The following DYM variants were observed in gnomAD, a reference collection of about 807,000 sequenced individuals.
DYM encodes the protein dymeclin.
Under a neutral mutation model 93.1 loss-of-function variants are expected in DYM, and 78 were observed. That is an observed-to-expected ratio of 0.84 (90% confidence interval 0.70 to 1.01). The LOEUF (loss-of-function observed/expected upper bound fraction) is 1.01, where lower values mean the gene tolerates loss of function less well. Ranked by LOEUF, DYM falls within the 50% of genes least tolerant of loss-of-function variation. DYM has a pLI of 0.00. For missense variants in DYM, 789 were observed against 845.0 expected, an observed-to-expected ratio of 0.93 and a Z score of 0.82; for synonymous variants, 321 against 319.7, an observed-to-expected ratio of 1.00 and a Z score of -0.04.
chr18:49,394,051 T>C (rs926968289), intron 2 of DYM, among the ~76,000 whole-genome samples: 51 of 152,252 alleles, frequency 3.3e-4, no homozygotes, highest in Admixed American at 9.2e-4. Context: ...GTTTTAGAGA[T>C]GGATGGTGTT....
chr18:49,316,845 T>TGG (rs1348769667), intron 8 of DYM, among the ~76,000 whole-genome samples: 2 of 152,200 alleles, frequency 1.3e-5, no homozygotes, highest in African/African-American at 2.4e-5. Flanking sequence ...CTTCCTTCCT[T>TGG]TAGCTATAGG....
At chr18:49,133,422 C>T (rs1349302578) in intron 15 of DYM, among the ~76,000 whole-genome samples, 2 of 152,206 alleles carry the variant, frequency 1.3e-5, no homozygotes, top group Non-Finnish European at 2.9e-5. Flanking sequence ...AATTTGTCGT[C>T]TCACAGTTCT....
At chr18:49,422,560 T>C (rs1236719641) in intron 2 of DYM, among the ~76,000 whole-genome samples, 1 of 152,114 alleles carries the variant, frequency 6.6e-6, no homozygotes, top group Non-Finnish European at 1.5e-5. Context: ...TAACCTTAAA[T>C]GTAAATGGGC....
At chr18:49,199,843 G>A (rs575050832) in intron 14 of DYM, among the ~76,000 whole-genome samples, 1 of 152,218 alleles carries the variant, frequency 6.6e-6, no homozygotes, top group South Asian at 2.1e-4. Flanking sequence ...AATGGCACCA[G>A]ATGTGATTTT....
intron 13 of DYM, among the ~76,000 whole-genome samples, chr18:49,248,074 T>C (rs979677985): frequency 1.4e-4 from 22 of 152,354 alleles, no homozygotes; most frequent in African/African-American, 4.3e-4. Context: ...TGCCTGGGCA[T>C]TGGGCAAGAG....
intron 6 of DYM, among the ~76,000 whole-genome samples, chr18:49,341,586 G>T (rs1273131677): frequency 1.3e-5 from 2 of 151,840 alleles, no homozygotes; most frequent in African/African-American, 4.8e-5. Flanking sequence ...ATGTGGATGG[G>T]GTATTCATGA....
At chr18:49,119,585 A>C (rs2082199402) in intron 15 of DYM, among the ~76,000 whole-genome samples, 1 of 152,208 alleles carries the variant, frequency 6.6e-6, no homozygotes, top group Non-Finnish European at 1.5e-5. Flanking sequence ...TGACAGTTGA[A>C]GCAAAAATTA....
intron 16 of DYM, among the ~76,000 whole-genome samples, chr18:49,106,763 G>C (rs2145758650): frequency 6.6e-6 from 1 of 152,324 alleles, no homozygotes; most frequent in Middle Eastern, 3.4e-3. Context: ...GAGAGTTTCT[G>C]CCGAGAGATC....
In DYM at chr18:49,211,407, A is replaced by T. The variant is rs191045341; in HGVS notation, c.1461-1692T>A. On this transcript the variant is annotated intron_variant, in intron 13 of 17. Transcript: ENST00000675505. ...TCAATCTGACAAGGTGAATCAACAC[A>T]ATAGTGAACATATCTGATATGTCTT... 2.1e-4 allele frequency among the ~76,000 whole-genome samples: 32 copies of T among 152,366 alleles called. 1 individual carries two copies. Among genetic ancestry groups the T allele is most frequent in the Admixed American group, 2.1e-3 (32 of 15,304 alleles).
At chr18:49,308,512 T>A (rs892284147) in intron 8 of DYM, among the ~76,000 whole-genome samples, 1 of 152,330 alleles carries the variant, frequency 6.6e-6, no homozygotes, top group East Asian at 1.9e-4. Flanking sequence ...TCCTACCGTC[T>A]ACTAGTTGTG....
intron 2 of DYM, among the ~76,000 whole-genome samples, chr18:49,429,426 A>C (rs1462304875): frequency 1.3e-5 from 2 of 152,232 alleles, no homozygotes; most frequent in Non-Finnish European, 2.9e-5. Context: ...TTTTAAATCT[A>C]GTTATTGAGT....
intron 8 of DYM, among the ~76,000 whole-genome samples, chr18:49,322,891 C>T (rs1271362233): frequency 6.6e-6 from 1 of 152,154 alleles, no homozygotes; most frequent in Non-Finnish European, 1.5e-5. Flanking sequence ...GTATTATTCT[C>T]ATTTTATTGT....
intron 2 of DYM, among the ~76,000 whole-genome samples, chr18:49,408,837 G>A (rs763217329): frequency 2.0e-5 from 3 of 152,116 alleles, no homozygotes; most frequent in East Asian, 1.9e-4. Context: ...CAAGAGGGAC[G>A]GGGCACATAA....
chr18:49,344,700 T>TG (rs201448199), intron 6 of DYM, among the ~76,000 whole-genome samples: 1 of 151,086 alleles, frequency 6.6e-6, no homozygotes, highest in Non-Finnish European at 1.5e-5. Context: ...TATAACCTTT[T>TG]GGGGAAAAAA....
Position 49,218,365 on chromosome 18 carries a change from G to A in DYM, c.1461-8650C>T, listed in dbSNP as rs548237099. Among the ~76,000 whole-genome samples, 526 of 152,258 alleles carry A rather than the reference G, an allele frequency of 3.5e-3. 4 individuals carry two copies. The highest frequency in any genetic ancestry group is 0.012 in the African/African-American group (488 of 41,526). On this transcript the variant is annotated intron_variant, in intron 13 of 17. Transcript: ENST00000675505. The stretch of plus-strand genomic sequence containing the variant: ...GATCAACGAAACAGAAAGTTAACAA[G>A]GATATCCAGGAATTGAACTCAGCTC...
At chr18:49,217,192 G>C (rs28786122) in intron 13 of DYM, among the ~76,000 whole-genome samples, 4,099 of 152,188 alleles carry the variant, frequency 0.027, 181 homozygotes, top group African/African-American at 0.092. Context: ...AGTGAGAAGG[G>C]AAGTTTAGAG....
At chr18:49,188,452 T>C in intron 14 of DYM, among the ~76,000 whole-genome samples, 1 of 152,216 alleles carries the variant, frequency 6.6e-6, no homozygotes, top group East Asian at 1.9e-4. Flanking sequence ...GATCTGGCTG[T>C]TCATAAATGA....
intron 6 of DYM, among the ~76,000 whole-genome samples, chr18:49,334,454 C>T (rs2063526469): frequency 6.6e-6 from 1 of 152,026 alleles, no homozygotes. Context: ...GATCATAAAC[C>T]CCTTTGGGAA....
At chr18:49,193,247 T>C (rs1359273631) in intron 14 of DYM, among the ~76,000 whole-genome samples, 1 of 151,984 alleles carries the variant, frequency 6.6e-6, no homozygotes, top group Non-Finnish European at 1.5e-5. Context: ...CAGTGGCTAT[T>C]ACAGAGTAAG....
Sources: allele counts gnomAD v4.1 joint callset (sites outside exome capture counted in the v4.1 genomes callset), GRCh38; gene constraint gnomAD v4.1.1; transcripts MANE v1.5; gene names NCBI Gene and HGNC (gene_info 2026-07-23, HGNC 2026-07-21).